NOS1: variants seen among roughly 807,000 people sequenced by gnomAD.
NOS1 encodes nitric oxide synthase 1.
Under a neutral mutation model 164.5 loss-of-function variants are expected in NOS1, and 51 were observed. The ratio of observed to expected loss-of-function variants is 0.31; its 90% CI spans 0.25 to 0.39. The LOEUF (loss-of-function observed/expected upper bound fraction) is 0.39. Among genes scored for constraint, NOS1 ranks in the 10% least tolerant of loss-of-function variants. The probability of loss-of-function intolerance (pLI) is 1.00; values close to 1 mark genes in which losing one functional copy is unlikely to be tolerated. For synonymous variants in NOS1, 719 were observed against 745.8 expected, an observed-to-expected ratio of 0.96 and a Z score of 0.59; for missense variants, 1,362 against 1,885.6, an observed-to-expected ratio of 0.72 and a Z score of 5.14.
chr12:117,333,770 C>T (rs1021978648), intron 1 of NOS1, among the ~76,000 whole-genome samples: 11 of 152,126 alleles, frequency 7.2e-5, no homozygotes, highest in Admixed American at 3.3e-4. Flanking sequence ...GAGTGTCTTT[C>T]GGCATCTTGC....
At chr12:117,325,682 G>A (rs2136069698) in intron 2 of NOS1, among the ~76,000 whole-genome samples, 1 of 152,314 alleles carries the variant, frequency 6.6e-6, no homozygotes, top group South Asian at 2.1e-4. Flanking sequence ...AGGAAAAATT[G>A]ATTTACCCAT....
chr12:117,222,617 A>G, intron 26 of NOS1, 98 bp downstream of exon 26: 4 of 1,132,188 alleles, frequency 3.5e-6, no homozygotes, highest in Non-Finnish European at 3.8e-6. Flanking sequence ...AGGGAAAATC[A>G]GGAAGCTTAA....
intron 1 of NOS1, among the ~76,000 whole-genome samples, chr12:117,337,954 C>T (rs1875916574): frequency 6.6e-6 from 1 of 152,106 alleles, no homozygotes; most frequent in Non-Finnish European, 1.5e-5. Flanking sequence ...GTGGCTCACA[C>T]CTGTAATCCC....
intron 22 of NOS1, among the ~76,000 whole-genome samples, chr12:117,230,292 C>T (rs1164484308): frequency 6.6e-6 from 1 of 152,168 alleles, no homozygotes; most frequent in East Asian, 1.9e-4. Context: ...TCCTATTAGC[C>T]ACCCTCCCCC....
chr12:117,299,681 CCTCTCTCTCT>C (rs10532868), intron 3 of NOS1, among the ~76,000 whole-genome samples: 1 of 144,218 alleles, frequency 6.9e-6, no homozygotes, highest in African/African-American at 2.6e-5. Flanking sequence ...GCTTACTCTG[CCTCTCTCTCT>C]CTCTCTCTCT....
At chr12:117,360,611 T>C (rs1877093942) in intron 1 of NOS1, among the ~76,000 whole-genome samples, 1 of 152,118 alleles carries the variant, frequency 6.6e-6, no homozygotes, top group Non-Finnish European at 1.5e-5. Context: ...AGGAGGCTCC[T>C]CGCAAAGTTG....
intron 1 of NOS1, among the ~76,000 whole-genome samples, chr12:117,357,410 A>G (rs1156551556): frequency 6.6e-6 from 1 of 152,270 alleles, no homozygotes; most frequent in Non-Finnish European, 1.5e-5. Flanking sequence ...AACAACCAGA[A>G]AGATGAAATT....
At position 117,227,711 on chromosome 12, in the gene NOS1, G is replaced by A. The variant is rs1372014063; in HGVS notation, c.3406-70C>T. ...ACATACTTCCCATGAGGACCTGAGG[G>A]GGTCCAGGAAGAAGGCAAAATAAAA... On this transcript the variant is annotated intron_variant, in intron 22 of 28. Transcript: ENST00000317775. 8 of 1,488,452 alleles carry A rather than the reference G, an allele frequency of 5.4e-6. No homozygotes were observed. In the South Asian group the frequency reaches 8.0e-5, roughly 15 times the overall value. The allele number at this position is 1,488,452 out of a possible 1,614,324, so 92.2% of individuals were successfully genotyped here.
At chr12:117,237,979 A>T (rs1040168075) in intron 20 of NOS1, among the ~76,000 whole-genome samples, 1 of 152,188 alleles carries the variant, frequency 6.6e-6, no homozygotes, top group East Asian at 1.9e-4. Flanking sequence ...ACTTAAGCAG[A>T]GACGTGCAAA....
Position 117,215,326 on chromosome 12 carries a change from T to C in NOS1, c.4290-2A>G, listed in dbSNP as rs1159775155. 3 of 1,544,958 alleles carry C rather than the reference T, an allele frequency of 1.9e-6. No individual in the cohort carries two copies. Among genetic ancestry groups the C allele is most frequent in the Non-Finnish European group, 2.6e-6 (3 of 1,144,042 alleles). On this transcript the variant is annotated splice_acceptor_variant, in intron 28 of 28. Coordinates refer to ENST00000317775, the MANE Select transcript of NOS1 (RefSeq NM_000620.5). LOFTEE classifies it high-confidence loss of function. ...GGGTCCAGTTAGGAGCTGAAAACCC[T>C]GTGGAAAGAGAAGTTGGGGGGCAGT...
chr12:117,323,039 A>G (rs371790832), intron 2 of NOS1, among the ~76,000 whole-genome samples: 2 of 151,944 alleles, frequency 1.3e-5, no homozygotes, highest in African/African-American at 4.8e-5. Context: ...TTTTCATCCC[A>G]TCCTTCACCC....
chr12:117,216,267 C>T (rs1418624621), intron 28 of NOS1, among the ~76,000 whole-genome samples: 2 of 150,832 alleles, frequency 1.3e-5, no homozygotes, highest in Non-Finnish European at 2.9e-5. Context: ...ACTGCAAGCT[C>T]CACCTCCCAG....
chr12:117,263,939 G>C lies in NOS1; in HGVS notation c.2172C>G (p.Thr724=). ...DPWNTHVWKG[T]NGTPTKRRAI... ...CTCGCCGCTTTGTGGGGGTCCCGTT[G>C]GTGCCTTTCCAGACATGCGTGTTCC... The change falls in exon 13 of 29, where the codon ACC becomes ACG. Residue 724 remains threonine (T), a synonymous_variant. Coordinates refer to ENST00000317775, the MANE Select transcript of NOS1 (RefSeq NM_000620.5). 1.2e-6 allele frequency: 2 copies of C among 1,613,892 alleles called. No individual in the cohort carries two copies.
Position 117,211,713 on chromosome 12 carries a change from C to T in NOS1, c.*3596G>A, listed in dbSNP as rs1208595105. On this transcript the variant is annotated 3_prime_UTR_variant, in exon 29 of 29. Transcript: ENST00000317775. ...CCAGAAGCTACCAGTGAAATCCCGC[C>T]CATTTCTCAAACCCCAGAAATTTAT... The T allele has an allele frequency of 5.1e-6, 5 of 985,548 alleles. No individual in the cohort carries two copies. The highest frequency in any genetic ancestry group is 4.8e-6 in the Non-Finnish European group (4 of 830,038). 61.1% of individuals were successfully genotyped at this position (985,548 alleles called of 1,614,324 possible).
At chr12:117,348,604 T>G (rs899830103) in intron 1 of NOS1, among the ~76,000 whole-genome samples, 4 of 152,224 alleles carry the variant, frequency 2.6e-5, no homozygotes, top group Non-Finnish European at 5.9e-5. Context: ...TCCTAAAAGC[T>G]AATATCCACG....
At chr12:117,238,073 G>A (rs903018799) in intron 20 of NOS1, among the ~76,000 whole-genome samples, 1 of 152,144 alleles carries the variant, frequency 6.6e-6, no homozygotes, top group Admixed American at 6.5e-5. Flanking sequence ...GTTCAAGGAA[G>A]GGAAAGAAGG....
rs930357847 is a variant in NOS1 at position 117,356,615 on chromosome 12, C to T, written c.-421+4897G>A. Among the ~76,000 whole-genome samples the T allele has an allele frequency of 2.6e-5, 4 of 152,246 alleles. No individual in the cohort carries two copies. The highest frequency in any genetic ancestry group is 4.1e-4 in the South Asian group (2 of 4,834). ...CTAGCACTGGCCTTGCCATTTAACA[C>T]GTGTCATGACACATACAATAAATGT... On this transcript the variant is annotated intron_variant, in intron 1 of 28. Coordinates refer to ENST00000317775, the MANE Select transcript of NOS1 (RefSeq NM_000620.5). This position sits in a 1 kb window ranked among gnomAD's most constrained non-coding sequence, Gnocchi z 4.2.
chr12:117,311,659 G>A, intron 2 of NOS1, 67 bp from the exon 3 acceptor site: 1 of 1,546,832 alleles, frequency 6.5e-7, no homozygotes. Flanking sequence ...GCTTTGACCT[G>A]GAAGTCCTGA....
At chr12:117,319,633 AT>A (rs9658287) in intron 2 of NOS1, among the ~76,000 whole-genome samples, 6 of 151,708 alleles carry the variant, frequency 4.0e-5, no homozygotes, top group South Asian at 2.1e-4. Context: ...AGTTCTGTGG[AT>A]TTTTTTTTAA....
Sources: allele counts gnomAD v4.1 joint callset (sites outside exome capture counted in the v4.1 genomes callset), GRCh38; gene constraint gnomAD v4.1.1; non-coding constraint Gnocchi (gnomAD v3.1); transcripts MANE v1.5; gene names NCBI Gene and HGNC (gene_info 2026-07-23, HGNC 2026-07-21).